The following SPAG8 variants were observed in gnomAD, a reference collection of about 807,000 sequenced individuals.
The protein encoded by SPAG8 is sperm-associated antigen 8.
Under a neutral mutation model 45.3 loss-of-function variants are expected in SPAG8, and 36 were observed. That is an observed-to-expected ratio of 0.80 (90% CI 0.61 to 1.05). The LOEUF is 1.05. Ranked by LOEUF, SPAG8 falls within the 50% of genes least tolerant of loss-of-function variation. SPAG8 has a pLI of 0.00. For synonymous variants in SPAG8, 227 were observed against 232.6 expected, an observed-to-expected ratio of 0.98 and a Z score of 0.22; for missense variants, 573 against 609.2, an observed-to-expected ratio of 0.94 and a Z score of 0.63.
rs1027274787 is a variant in SPAG8, at chr9:35,809,876, G to A, written c.*62C>T. On this transcript the variant is annotated 3_prime_UTR_variant, in exon 7 of 7. Transcript: ENST00000396638. The surrounding 1 kb of genome is among the most constrained non-coding windows in gnomAD (Gnocchi z 4.1). The stretch of plus-strand genomic sequence containing the variant: ...GTACAGTGAGAATTAACTTCCTCCC[G>A]ACCTCTCTAGTGCAGACAGAAATAG... The A allele has an allele frequency of 1.1e-5, 17 of 1,535,308 alleles. No homozygotes were observed. The highest frequency in any genetic ancestry group is 1.4e-5 in the African/African-American group (1 of 72,114).
chr9:35,809,293 A>G (rs773972959), downstream of SPAG8: 2 of 1,610,892 alleles, frequency 1.2e-6, no homozygotes. This position sits in a 1 kb window ranked among gnomAD's most constrained non-coding sequence, Gnocchi z 4.1. Flanking sequence ...GGAGGGTGAA[A>G]GTGATTATGG....
chr9:35,808,107 G>T, downstream of SPAG8: 2 of 1,185,140 alleles, frequency 1.7e-6, no homozygotes, highest in Non-Finnish European at 2.5e-6. The surrounding 1 kb of genome is among the most constrained non-coding windows in gnomAD (Gnocchi z 4.0). Context: ...AAAATCAAAT[G>T]CCTGCTTTCC....
Position 35,811,357 on chromosome 9 carries a change from G to T in SPAG8, c.689C>A (p.Ser230Tyr), listed in dbSNP as rs1828786883. The T allele has an allele frequency of 1.2e-6, 2 of 1,614,218 alleles. No individual in the cohort carries two copies. The highest frequency in any genetic ancestry group is 1.7e-6 in the Non-Finnish European group (2 of 1,180,042). The change falls in exon 2 of 7, where the codon TCC (serine) becomes TAC (tyrosine). Residue 230 changes from serine to tyrosine, a missense_variant. Ser to Tyr is a moderately radical substitution (Grantham distance 144). Coordinates refer to ENST00000396638, the MANE Select transcript of SPAG8 (RefSeq NM_001039592.2). ...CTCCCAGGGGCAGTGCTGACTCCAGGAGGTATAGTTAGGGACCCGATCTGC... is the reference window on the plus strand; with the variant it reads ...CTCCCAGGGGCAGTGCTGACTCCAGTAGGTATAGTTAGGGACCCGATCTGC... ...LVADRVPNYT[S>Y]WSQHCPWEPQ... is the part of the protein sequence containing the mutation.
rs1261043265 is a variant in SPAG8, at chr9:35,811,375, C to T, written c.671G>A (p.Arg224Gln). 10 of 1,614,042 alleles carry T rather than the reference C, an allele frequency of 6.2e-6. No individual in the cohort carries two copies. Among genetic ancestry groups the T allele is most frequent in the Admixed American group, 3.3e-5 (2 of 59,998 alleles). Residue 224 changes from arginine to glutamine, a missense_variant, in exon 2 of 7, where the codon CGG becomes CAG. Physicochemically the swap from Arg to Gln is conservative, Grantham distance 43 (BLOSUM62 1). Transcript: ENST00000396638. Reference sequence around the variant, plus strand: ...ACTCCAGGAGGTATAGTTAGGGACCCGATCTGCCACCAGGTTTCTGAACCC... The same window carrying T: ...ACTCCAGGAGGTATAGTTAGGGACCTGATCTGCCACCAGGTTTCTGAACCC... The part of the protein sequence containing the change: ...PPGFRNLVAD[R>Q]VPNYTSWSQH...
At position 35,811,868 on chromosome 9, in the gene SPAG8, C is replaced by A. The variant is rs374621231; in HGVS notation, c.178G>T (p.Ala60Ser). 1.1e-5 allele frequency: 17 copies of A among 1,610,468 alleles called. No individual in the cohort carries two copies. The highest frequency in any genetic ancestry group is 1.4e-5 in the Non-Finnish European group (17 of 1,177,538). ...AAAAAASAAA[A>S]TAAFTTAKAA... ...TTGGCAGTGGTGAAGGCTGCAGTAG[C>A]TGCAGCAGCTGATGCAGCCGCTGCA... Residue 60 changes from alanine to serine, a missense_variant, in exon 2 of 7, where the codon GCT becomes TCT. Ala to Ser is a moderately conservative substitution (Grantham distance 99). Transcript: ENST00000396638.
At chr9:35,810,382 A>C in intron 5 of SPAG8, 57 bp downstream of exon 5, 1 of 1,605,550 alleles carries the variant, frequency 6.2e-7, no homozygotes, top group Admixed American at 1.7e-5. Flanking sequence ...GTACTTGGCC[A>C]CAGCCTGTCA....
In SPAG8 at chr9:35,811,379, C is replaced by T. The variant is rs765372271; in HGVS notation, c.667G>A (p.Asp223Asn). The part of the protein sequence containing the change: ...IPPGFRNLVA[D>N]RVPNYTSWSQ... ...CAGGAGGTATAGTTAGGGACCCGAT[C>T]TGCCACCAGGTTTCTGAACCCTGGA... The change falls in exon 2 of 7, where the codon GAT becomes AAT. Residue 223 changes from aspartate (D) to asparagine (N), a missense_variant. Physicochemically the swap from Asp to Asn is conservative, Grantham distance 23 (BLOSUM62 1). Transcript: ENST00000396638. 3.7e-6 allele frequency: 6 copies of T among 1,614,210 alleles called. No homozygotes were observed. Among genetic ancestry groups the T allele is most frequent in the Non-Finnish European group, 5.1e-6 (6 of 1,180,044 alleles).
downstream of SPAG8, chr9:35,808,977 T>C (rs774346193): frequency 4.3e-6 from 4 of 931,988 alleles, no homozygotes; most frequent in East Asian, 2.4e-5. The surrounding 1 kb of genome is among the most constrained non-coding windows in gnomAD (Gnocchi z 4.0). Context: ...TCCTCGGGCA[T>C]ATTTTGGTTC....
At chr9:35,808,563 G>T, downstream of SPAG8, 1 of 1,614,158 alleles carries the variant, frequency 6.2e-7, no homozygotes, top group East Asian at 2.2e-5. The surrounding 1 kb of genome is among the most constrained non-coding windows in gnomAD (Gnocchi z 4.0). Flanking sequence ...AGGCCGAAAT[G>T]GTCAACGCCA....
rs1482529038 is a variant in SPAG8 at position 35,811,474 on chromosome 9, G to C, written c.572C>G (p.Ser191Cys). 3 of 1,610,584 alleles carry C rather than the reference G, an allele frequency of 1.9e-6. No homozygotes were observed. Among genetic ancestry groups the C allele is most frequent in the South Asian group, 2.2e-5 (2 of 90,850 alleles). Residue 191 changes from serine to cysteine, a missense_variant, in exon 2 of 7, where the codon TCT (serine) becomes TGT (cysteine). Coordinates refer to ENST00000396638, the MANE Select transcript of SPAG8 (RefSeq NM_001039592.2). ...PGSGPGHGSG[S>C]HPGPASGPGP... ...AGGCCCAGAGGCAGGACCAGGATGA[G>C]AGCCAGAGCCATGACCAGGACCAGA...
chr9:35,811,585 C>T lies in SPAG8; in HGVS notation c.461G>A (p.Gly154Asp). The stretch of plus-strand genomic sequence containing the variant: ...ACCAGAGCCAGAGCCAGAGCCATGG[C>T]CAGCACCTGAGCTGGAACCAAGAAC... Reference protein sequence around the residue: ...GPVLGSSSGAGHGSGSGSGPG... With the variant: ...GPVLGSSSGADHGSGSGSGPG... Residue 154 changes from glycine (G) to aspartate (D), a missense_variant, in exon 2 of 7, where the codon GGC becomes GAC. By Grantham distance (94) the Gly-to-Asp change is moderately conservative. Transcript: ENST00000396638. 6.2e-7 allele frequency: 1 copy of T among 1,613,684 alleles called. No individual in the cohort carries two copies.
Position 35,811,690 on chromosome 9 carries a change from G to T in SPAG8, c.356C>A (p.Ser119Tyr), listed in dbSNP as rs770990310. ...GSLGFEPVYVSCIAQDTCTTT... is the reference protein window; with the variant it reads ...GSLGFEPVYVYCIAQDTCTTT... ...AGTGCAAGTGTCCTGAGCAATACAGGAAACATAGACGGGCTCAAAGCCAAG... is the reference window on the plus strand; with the variant it reads ...AGTGCAAGTGTCCTGAGCAATACAGTAAACATAGACGGGCTCAAAGCCAAG... The change falls in exon 2 of 7, where the codon TCC becomes TAC. Residue 119 changes from serine to tyrosine, a missense_variant. Physicochemically the swap from Ser to Tyr is moderately radical, Grantham distance 144. Coordinates refer to ENST00000396638, the MANE Select transcript of SPAG8 (RefSeq NM_001039592.2). The T allele has an allele frequency of 2.5e-6, 4 of 1,614,246 alleles. No homozygotes were observed. The Admixed American group carries it at 6.7e-5, about 27-fold the overall frequency.
At chr9:35,809,140 AT>A, downstream of SPAG8, 1 of 1,609,132 alleles carries the variant, frequency 6.2e-7, no homozygotes, top group Non-Finnish European at 8.5e-7. This position sits in a 1 kb window ranked among gnomAD's most constrained non-coding sequence, Gnocchi z 4.1. Flanking sequence ...CATCCTCCCC[AT>A]TCCACCCACC....
chr9:35,808,417 G>T, downstream of SPAG8: 1 of 1,447,424 alleles, frequency 6.9e-7, no homozygotes, highest in Non-Finnish European at 9.7e-7. This position sits in a 1 kb window ranked among gnomAD's most constrained non-coding sequence, Gnocchi z 4.0. Context: ...ATGTCAGGAT[G>T]ATTAATGATG....
chr9:35,811,364 A>T lies in SPAG8; in HGVS notation c.682T>A (p.Tyr228Asn). The change falls in exon 2 of 7, where the codon TAT (tyrosine) becomes AAT (asparagine). Residue 228 changes from tyrosine (Y) to asparagine (N), a missense_variant. Physicochemically the swap from Tyr to Asn is moderately radical, Grantham distance 143. Coordinates refer to ENST00000396638, the MANE Select transcript of SPAG8 (RefSeq NM_001039592.2). Reference sequence around the variant, plus strand: ...GGGCAGTGCTGACTCCAGGAGGTATAGTTAGGGACCCGATCTGCCACCAGG... The same window carrying T: ...GGGCAGTGCTGACTCCAGGAGGTATTGTTAGGGACCCGATCTGCCACCAGG... ...RNLVADRVPN[Y>N]TSWSQHCPWE... 1 of 1,614,134 alleles carries T rather than the reference A, an allele frequency of 6.2e-7. No individual in the cohort carries two copies.
At chr9:35,810,349 C>G (rs367765733) in intron 5 of SPAG8, 40 bp from the exon 6 acceptor site, 7 of 1,613,034 alleles carry the variant, frequency 4.3e-6, no homozygotes, top group Middle Eastern at 1.7e-4. Flanking sequence ...GCCTTCAGCC[C>G]TCTCTCTCAA....
At chr9:35,809,044 G>A (rs572633161), downstream of SPAG8, 3 of 1,131,030 alleles carry the variant, frequency 2.7e-6, no homozygotes, top group African/African-American at 1.5e-5. This position sits in a 1 kb window ranked among gnomAD's most constrained non-coding sequence, Gnocchi z 4.1. Context: ...TATGCATTGG[G>A]AGCTTCCCAG....
chr9:35,810,930 T>C lies in SPAG8; in HGVS notation c.992A>G (p.Gln331Arg). The change falls in exon 3 of 7, where the codon CAG becomes CGG. Residue 331 changes from glutamine (Q) to arginine (R), a missense_variant. By Grantham distance (43) the Gln-to-Arg change is conservative. Coordinates refer to ENST00000396638, the MANE Select transcript of SPAG8 (RefSeq NM_001039592.2). ...TCCTGGTGGCTGGTACGAGTCTTTC[T>C]GGGTGGTGCTGGAGGGCATGGGTGA... ...LKSPMPSSTT[Q>R]KDSYQPPGNV... 6.2e-7 allele frequency: 1 copy of C among 1,614,068 alleles called. No individual in the cohort carries two copies. The highest frequency in any genetic ancestry group is 8.5e-7 in the Non-Finnish European group (1 of 1,180,004).
downstream of SPAG8, chr9:35,808,954 C>A: frequency 1.0e-6 from 1 of 959,144 alleles, no homozygotes; most frequent in Non-Finnish European, 1.7e-6. This position sits in a 1 kb window ranked among gnomAD's most constrained non-coding sequence, Gnocchi z 4.0. Flanking sequence ...GACCACAGTT[C>A]CTTAGTGTCG....
Sources: allele counts gnomAD v4.1 joint callset, GRCh38; gene constraint gnomAD v4.1.1; non-coding constraint Gnocchi (gnomAD v3.1); transcripts MANE v1.5; gene names NCBI Gene and HGNC (gene_info 2026-07-23, HGNC 2026-07-21).